The following SLFN12L variants were observed in gnomAD, a reference collection of about 807,000 sequenced individuals.
The protein encoded by SLFN12L is schlafen family member 12 like, also known as schlafen family member 12-like.
In SLFN12L, 34 loss-of-function variants were observed where a neutral mutation model predicts 34.8. That is an observed-to-expected ratio of 0.98 (90% CI 0.74 to 1.30). The LOEUF (loss-of-function observed/expected upper bound fraction) is 1.30. SLFN12L is among the 50% of genes most tolerant of loss of function. The pLI is 0.00. For synonymous variants in SLFN12L, 259 were observed against 247.5 expected, an observed-to-expected ratio of 1.05 and a Z score of -0.44; for missense variants, 703 against 696.2, an observed-to-expected ratio of 1.01 and a Z score of -0.11.
intron 1 of SLFN12L, among the ~76,000 whole-genome samples, chr17:35,524,142 G>T (rs146778671): frequency 6.6e-6 from 1 of 152,316 alleles, no homozygotes; most frequent in African/African-American, 2.4e-5. Context: ...CACACAACTT[G>T]ATTATGCCTG....
At chr17:35,484,489 C>T (rs752992076) in intron 2 of SLFN12L, among the ~76,000 whole-genome samples, 1 of 152,104 alleles carries the variant, frequency 6.6e-6, no homozygotes, top group Non-Finnish European at 1.5e-5. Flanking sequence ...TTATCTAAAC[C>T]ATTTCCAGTG....
At chr17:35,489,502 C>G (rs539763780) in intron 2 of SLFN12L, among the ~76,000 whole-genome samples, 3 of 151,920 alleles carry the variant, frequency 2.0e-5, no homozygotes, top group Admixed American at 2.0e-4. Flanking sequence ...TGCAGTGAGC[C>G]GTGATCAGGC....
In SLFN12L at chr17:35,474,032, C is replaced by T. The variant is rs1036821527; in HGVS notation, c.*891G>A. On this transcript the variant is annotated 3_prime_UTR_variant, in exon 5 of 5. Transcript: ENST00000628453. ...TTCCTGCGTTCAAGCAATTCTCATG[C>T]CTCAGCCTCCCGAGTAGCTGGGACT... 8 of 152,362 alleles carry T rather than the reference C, an allele frequency of 5.3e-5. No individual in the cohort carries two copies. The highest frequency in any genetic ancestry group is 4.1e-4 in the South Asian group (2 of 4,824). 9.4% of individuals were successfully genotyped at this position (152,362 alleles called of 1,614,324 possible). A position where few individuals can be genotyped will look rare whatever the true frequency, so the allele number is the denominator to read the frequency against.
intron 2 of SLFN12L, among the ~76,000 whole-genome samples, chr17:35,487,449 C>T (rs566130834): frequency 6.6e-6 from 1 of 152,084 alleles, no homozygotes; most frequent in African/African-American, 2.4e-5. Flanking sequence ...AGCGCCCCAC[C>T]TCGTCCCGGA....
At chr17:35,521,827 T>C (rs940249785) in intron 2 of SLFN12L, among the ~76,000 whole-genome samples, 1 of 152,200 alleles carries the variant, frequency 6.6e-6, no homozygotes, top group Non-Finnish European at 1.5e-5. Flanking sequence ...TGAGTCATGA[T>C]GGTGCCACTG....
At chr17:35,519,642 G>A (rs963193883) in intron 2 of SLFN12L, among the ~76,000 whole-genome samples, 1 of 152,118 alleles carries the variant, frequency 6.6e-6, no homozygotes, top group African/African-American at 2.4e-5. Context: ...GACACCTGAG[G>A]GAGGAAAAGT....
At chr17:35,489,942 C>A in intron 2 of SLFN12L, 2 of 1,321,530 alleles carry the variant, frequency 1.5e-6, no homozygotes, top group Non-Finnish European at 2.1e-6. Flanking sequence ...GACAAAAATC[C>A]CACAACCAGT....
Position 35,532,441 on chromosome 17 carries a change from CAA to C in SLFN12L, c.-606+5130_-606+5131del, listed in dbSNP as rs11323761. Among the ~76,000 whole-genome samples, 275 of 118,896 alleles carry C rather than the reference CAA, an allele frequency of 2.3e-3. 1 individual carries two copies. Among genetic ancestry groups the C allele is most frequent in the East Asian group, 3.2e-3 (14 of 4,308 alleles). The allele number at this position is 118,896 out of a possible 152,430, so 78.0% of individuals were successfully genotyped here. A position where few individuals can be genotyped will look rare whatever the true frequency, so the allele number is the denominator to read the frequency against. On this transcript the variant is annotated intron_variant, in intron 1 of 4. Coordinates refer to ENST00000628453, the MANE Select transcript of SLFN12L (RefSeq NM_001363830.2). Reference sequence around the variant, plus strand: ...TGCAAAAGGGAGTGAGACTCCATCTCAAAAAAAAAAAAAAAGGCACAAAAGCA... The same window carrying C: ...TGCAAAAGGGAGTGAGACTCCATCTCAAAAAAAAAAAAAGGCACAAAAGCA...
chr17:35,504,467 G>T (rs1263709778), intron 2 of SLFN12L, among the ~76,000 whole-genome samples: 1 of 152,232 alleles, frequency 6.6e-6, no homozygotes, highest in African/African-American at 2.4e-5. Flanking sequence ...CAAATGCCTG[G>T]TTGAAATGGA....
Position 35,473,884 on chromosome 17 carries a change from G to A in SLFN12L, c.*1039C>T, listed in dbSNP as rs1205824282. On this transcript the variant is annotated 3_prime_UTR_variant, in exon 5 of 5. Transcript: ENST00000628453. ...CTGGCTCAGTCTTGGGAGGTTGCAT[G>A]TGTTCAGGAATTTATCCATTTCTTC... The A allele has an allele frequency of 1.3e-5, 2 of 152,222 alleles. No homozygotes were observed. The highest frequency in any genetic ancestry group is 6.5e-5 in the Admixed American group (1 of 15,276). 9.4% of individuals were successfully genotyped at this position (152,222 alleles called of 1,614,324 possible).
At chr17:35,519,497 T>A (rs1360420734) in intron 2 of SLFN12L, among the ~76,000 whole-genome samples, 1 of 152,182 alleles carries the variant, frequency 6.6e-6, no homozygotes, top group African/African-American at 2.4e-5. Flanking sequence ...ATTGAATGAA[T>A]GAGTAAATGG....
chr17:35,530,416 A>G (rs1404089498), intron 1 of SLFN12L, among the ~76,000 whole-genome samples: 907 of 12,072 alleles, frequency 0.075, 166 homozygotes, highest in East Asian at 0.37. Flanking sequence ...GAAGGAAGGA[A>G]GGAAGGAAGG....
chr17:35,518,482 C>T (rs1915902344), intron 2 of SLFN12L, among the ~76,000 whole-genome samples: 1 of 148,550 alleles, frequency 6.7e-6, no homozygotes, highest in Non-Finnish European at 1.5e-5. Context: ...AGCCAGGAGG[C>T]AGAGGTTGCA....
At chr17:35,475,771 A>G (rs941822884) in intron 4 of SLFN12L, among the ~76,000 whole-genome samples, 3 of 151,954 alleles carry the variant, frequency 2.0e-5, no homozygotes, top group African/African-American at 4.8e-5. Context: ...ATGGTAGTGC[A>G]TGCTGGTAGT....
intron 2 of SLFN12L, among the ~76,000 whole-genome samples, chr17:35,492,428 G>A (rs537332026): frequency 6.6e-6 from 1 of 152,298 alleles, no homozygotes; most frequent in East Asian, 1.9e-4. Context: ...CACACTCAAG[G>A]AGACCACTTC....
In SLFN12L at chr17:35,507,769, T is replaced by C. The variant is rs539183016; in HGVS notation, c.86+14510A>G. On this transcript the variant is annotated intron_variant, in intron 2 of 4. Coordinates refer to ENST00000628453, the MANE Select transcript of SLFN12L (RefSeq NM_001363830.2). Reference sequence around the variant, plus strand: ...CTTCTTCAAATGATAAAAAGCTTCATCACTACCTTAGTTTACCAAAATGCT... The same window carrying C: ...CTTCTTCAAATGATAAAAAGCTTCACCACTACCTTAGTTTACCAAAATGCT... Among the ~76,000 whole-genome samples, 3 of 152,332 alleles carry C rather than the reference T, an allele frequency of 2.0e-5. No homozygotes were observed. In the South Asian group the frequency reaches 6.2e-4, roughly 32 times the overall value.
At chr17:35,508,369 C>T (rs375302330) in intron 2 of SLFN12L, among the ~76,000 whole-genome samples, 32 of 152,314 alleles carry the variant, frequency 2.1e-4, no homozygotes, top group African/African-American at 5.5e-4. Context: ...TGCTACAAGA[C>T]GGTGTCTCAC....
At chr17:35,491,111 G>A (rs17631940) in intron 2 of SLFN12L, 356,869 of 773,562 alleles carry the variant, frequency 0.46, 85,683 homozygotes, top group African/African-American at 0.56. Flanking sequence ...GCTGCAAGAT[G>A]ACCATTTGTG....
chr17:35,476,577 A>G (rs909878996), intron 4 of SLFN12L, among the ~76,000 whole-genome samples: 1 of 152,162 alleles, frequency 6.6e-6, no homozygotes, highest in Non-Finnish European at 1.5e-5. Flanking sequence ...AGAGCTGAAC[A>G]TCACTTTCAT....
Sources: allele counts gnomAD v4.1 joint callset (sites outside exome capture counted in the v4.1 genomes callset), GRCh38; gene constraint gnomAD v4.1.1; transcripts MANE v1.5; gene names NCBI Gene and HGNC (gene_info 2026-07-23, HGNC 2026-07-21).